The following DPP6 variants were observed in gnomAD, a reference collection of about 807,000 sequenced individuals.
DPP6 encodes dipeptidyl peptidase like 6, also known as A-type potassium channel modulatory protein DPP6.
In DPP6, 69 loss-of-function variants were observed where a neutral mutation model predicts 122.6. That is an observed-to-expected ratio of 0.56 (90% CI 0.46 to 0.69). The LOEUF (loss-of-function observed/expected upper bound fraction) is 0.69. Ranked by LOEUF, DPP6 falls within the 30% of genes least tolerant of loss-of-function variation. The pLI, the probability that DPP6 is intolerant of heterozygous loss-of-function variation, is 0.00. For missense variants in DPP6, 928 were observed against 1,116.9 expected (o/e 0.83, Z 2.41); for synonymous variants, 418 against 433.1 (o/e 0.97, Z 0.43).
At chr7:153,874,793 A>C in the DPP6 span, among the ~76,000 whole-genome samples, 1 of 152,258 alleles carries the variant, frequency 6.6e-6, no homozygotes, top group Admixed American at 6.5e-5. Flanking sequence ...ACAACCATTT[A>C]ACACAGCTGA....
At chr7:154,290,673 G>A (rs1296841155) in intron 1 of DPP6, among the ~76,000 whole-genome samples, 1 of 151,184 alleles carries the variant, frequency 6.6e-6, no homozygotes. Context: ...ATTCCCTCTT[G>A]CTCATGACTC....
At chr7:153,837,476 G>T in the DPP6 span, among the ~76,000 whole-genome samples, 1 of 152,122 alleles carries the variant, frequency 6.6e-6, no homozygotes, top group Non-Finnish European at 1.5e-5. Context: ...TGAGACACTG[G>T]ATTCAGACTC....
chr7:153,896,818 A>C (rs1478529852), intron 1 of DPP6, among the ~76,000 whole-genome samples: 1 of 152,244 alleles, frequency 6.6e-6, no homozygotes, highest in Non-Finnish European at 1.5e-5. Flanking sequence ...GTTTCTTTAA[A>C]AAGTAATACA....
intron 1 of DPP6, among the ~76,000 whole-genome samples, chr7:154,137,282 C>G (rs1485593939): frequency 6.6e-6 from 1 of 151,974 alleles, no homozygotes; most frequent in Non-Finnish European, 1.5e-5. Flanking sequence ...GAGTGAAGTC[C>G]CTGCTGGAAA....
intron 21 of DPP6, among the ~76,000 whole-genome samples, chr7:154,881,262 A>G (rs1805365907): frequency 6.6e-6 from 1 of 152,244 alleles, no homozygotes; most frequent in African/African-American, 2.4e-5. Flanking sequence ...CCAGGAAAGA[A>G]GCAAAGCAGG....
intron 5 of DPP6, among the ~76,000 whole-genome samples, chr7:154,581,345 GAGGGGACAGGAAGA>G (rs1832053888): frequency 1.3e-5 from 2 of 152,260 alleles, no homozygotes; most frequent in Admixed American, 6.5e-5. Flanking sequence ...AAAGGAGACA[GAGGGGACAGGAAGA>G]AGGGGACAGA....
chr7:153,764,208 C>T, the DPP6 span, among the ~76,000 whole-genome samples: 2 of 152,158 alleles, frequency 1.3e-5, no homozygotes, highest in African/African-American at 4.8e-5. Flanking sequence ...AACTTTTCCT[C>T]TCTCTGAGCT....
At chr7:154,265,582 A>G (rs1247022219) in intron 1 of DPP6, among the ~76,000 whole-genome samples, 1 of 152,238 alleles carries the variant, frequency 6.6e-6, no homozygotes, top group Non-Finnish European at 1.5e-5. Flanking sequence ...ATAGTATTCA[A>G]TGCTGCTGCA....
At chr7:154,861,124 G>T (rs370537011) in intron 17 of DPP6, among the ~76,000 whole-genome samples, 11 of 152,280 alleles carry the variant, frequency 7.2e-5, no homozygotes, top group African/African-American at 2.6e-4. Flanking sequence ...GCAATTTGGT[G>T]GCCAAAGAGA....
chr7:154,655,746 G>A lies in DPP6; in HGVS notation c.681-13614G>A, dbSNP rs373290154. ...CAAGGTGGGGCCAGGGACTTCTCCCGCAGGAAGCCGGCTCAGGCCAGAAGC... is the reference window on the plus strand; with the variant it reads ...CAAGGTGGGGCCAGGGACTTCTCCCACAGGAAGCCGGCTCAGGCCAGAAGC... On this transcript the variant is annotated intron_variant, in intron 6 of 25. Transcript: ENST00000377770. 4.6e-5 allele frequency among the ~76,000 whole-genome samples: 7 copies of A among 152,220 alleles called. No individual in the cohort carries two copies. The East Asian group carries it at 1.2e-3, about 25-fold the overall frequency.
At position 154,369,461 on chromosome 7, in the gene DPP6, T is replaced by C. The variant is rs1812458868; in HGVS notation, c.244-76753T>C. On this transcript the variant is annotated intron_variant, in intron 1 of 25. Coordinates refer to ENST00000377770, the MANE Select transcript of DPP6 (RefSeq NM_130797.4). ...TGGCTCACTGCAACCTTCCGCCTCC[T>C]GGGTTCAAGCGATTCTCCAGCCTCA... Among the ~76,000 whole-genome samples, 12 of 152,096 alleles carry C rather than the reference T, an allele frequency of 7.9e-5. No homozygotes were observed. In the South Asian group the frequency reaches 2.3e-3, roughly 29 times the overall value.
At position 154,220,315 on chromosome 7, in the gene DPP6, T is replaced by C. The variant is rs73487424; in HGVS notation, c.243+167252T>C. Reference sequence around the variant, plus strand: ...CACAGTAAGAAAACACCTTAGCTAATGAACATAGGAACATAAAACCAAACA... The same window carrying C: ...CACAGTAAGAAAACACCTTAGCTAACGAACATAGGAACATAAAACCAAACA... On this transcript the variant is annotated intron_variant, in intron 1 of 25. Coordinates refer to ENST00000377770, the MANE Select transcript of DPP6 (RefSeq NM_130797.4). 6.8e-3 allele frequency among the ~76,000 whole-genome samples: 1,038 copies of C among 152,128 alleles called. 15 individuals carry two copies. Among genetic ancestry groups the C allele is most frequent in the African/African-American group, 0.023 (961 of 41,516 alleles).
At chr7:154,663,308 A>G (rs1837890775) in intron 6 of DPP6, among the ~76,000 whole-genome samples, 1 of 50,002 alleles carries the variant, frequency 2.0e-5, no homozygotes, top group African/African-American at 3.9e-5. Flanking sequence ...TATTGGCCAT[A>G]GTGTTCATAG....
Position 154,281,228 on chromosome 7 carries a change from C to G in DPP6, c.244-164986C>G, listed in dbSNP as rs187169582. ...GGGTTTCACTATGTTGGCCAGGCGG[C>G]TCTTAAACTCCTGACCTCAAGTGAT... On this transcript the variant is annotated intron_variant, in intron 1 of 25. Transcript: ENST00000377770. 9.3e-3 allele frequency among the ~76,000 whole-genome samples: 1,412 copies of G among 151,962 alleles called. 25 individuals carry two copies. The highest frequency in any genetic ancestry group is 0.032 in the African/African-American group (1,318 of 41,428).
rs376168621 is a variant in DPP6 at position 154,803,462 on chromosome 7, G to A, written c.1408-402G>A. Among the ~76,000 whole-genome samples the A allele has an allele frequency of 5.9e-5, 9 of 152,136 alleles. No individual in the cohort carries two copies. In the East Asian group the frequency reaches 1.5e-3, roughly 26 times the overall value. On this transcript the variant is annotated intron_variant, in intron 13 of 25. Transcript: ENST00000377770. ...TTCTCTCTTTTTCCCTCCACCTCCC[G>A]GCATTTGTCTCTTTCCTCCCTCACT...
At chr7:154,596,571 A>G (rs1441824194) in intron 5 of DPP6, among the ~76,000 whole-genome samples, 2 of 152,220 alleles carry the variant, frequency 1.3e-5, no homozygotes, top group African/African-American at 4.8e-5. Flanking sequence ...TTCCAAAAAA[A>G]AAAGTTGACA....
chr7:153,813,876 T>C, the DPP6 span, among the ~76,000 whole-genome samples: 1 of 152,188 alleles, frequency 6.6e-6, no homozygotes, highest in Non-Finnish European at 1.5e-5. Flanking sequence ...TGGGGTTGTT[T>C]GTTTTTTTCT....
chr7:154,085,525 AACGAACACAGT>A (rs750266494), intron 1 of DPP6, among the ~76,000 whole-genome samples: 3 of 152,224 alleles, frequency 2.0e-5, no homozygotes, highest in Non-Finnish European at 4.4e-5. Context: ...AAGTTTGCTG[AACGAACACAGT>A]AAGTTCTTTG....
At chr7:154,766,758 C>A (rs540637573) in intron 8 of DPP6, among the ~76,000 whole-genome samples, 1 of 152,198 alleles carries the variant, frequency 6.6e-6, no homozygotes, top group Non-Finnish European at 1.5e-5. Flanking sequence ...CCAGCCTTCA[C>A]CCACATTTTT....
Sources: gnomAD v4.1 joint callset for allele counts (sites outside exome capture counted in the v4.1 genomes callset) on GRCh38, gnomAD v4.1.1 for gene constraint, MANE v1.5 for transcripts, NCBI Gene and HGNC (gene_info 2026-07-23, HGNC 2026-07-21) for gene names.